Variants in HOXD13 observed in about 807,000 individuals in gnomAD.
HOXD13 encodes the protein homeobox protein Hox-D13.
A neutral mutation model predicts 27.3 loss-of-function variants in HOXD13; 16 were observed. The ratio of observed to expected loss-of-function variants is 0.59; its 90% CI spans 0.40 to 0.89. The LOEUF is 0.89. HOXD13 is among the 40% of genes least tolerant of loss of function. HOXD13 has a pLI of 0.00. For synonymous variants in HOXD13, 241 were observed against 219.0 expected (o/e 1.10, Z -0.89); for missense variants, 481 against 482.6 (o/e 1.00, Z 0.03).
At position 176,094,836 on chromosome 2, in the gene HOXD13, G is replaced by T; in HGVS notation, c.*106G>T. 2.0e-6 allele frequency: 2 copies of T among 1,007,748 alleles called. No individual in the cohort carries two copies. The highest frequency in any genetic ancestry group is 2.7e-5 in the South Asian group (2 of 73,238). 62.4% of individuals were successfully genotyped at this position (1,007,748 alleles called of 1,614,324 possible). On this transcript the variant is annotated 3_prime_UTR_variant, in exon 2 of 2. Transcript: ENST00000392539. ...TTAATTCCCCCCACCCCCTGCCAAT[G>T]GTGGCAAATTTTGTGAATTGTTTTT...
At chr2:176,088,401 T>G (rs981433129), upstream of HOXD13, among the ~76,000 whole-genome samples, 5 of 152,202 alleles carry the variant, frequency 3.3e-5, no homozygotes, top group African/African-American at 1.2e-4. Flanking sequence ...ACTTTCTTCC[T>G]GGGCTCGGTC....
chr2:176,093,070 G>GGCA lies in HOXD13; in HGVS notation c.183_185dup (p.Ala71dup). The GGCA allele has an allele frequency of 7.3e-7, 1 of 1,371,472 alleles. No individual in the cohort carries two copies. Among genetic ancestry groups the GGCA allele is most frequent in the Non-Finnish European group, 9.4e-7 (1 of 1,068,726 alleles). The allele number at this position is 1,371,472 out of a possible 1,614,324, so 85.0% of individuals were successfully genotyped here. A position where few individuals can be genotyped will look rare whatever the true frequency, so the allele number is the denominator to read the frequency against. On this transcript the variant is annotated inframe_insertion, in exon 1 of 2. Transcript: ENST00000392539. ...CGCATTCGGGGCGGGCGGCGGCGGC[G>GGCA]GCAGCGGCGGCTGCGGCGGCGGCGG...
At chr2:176,089,447 GA>G (rs1689290519), upstream of HOXD13, among the ~76,000 whole-genome samples, 1 of 152,194 alleles carries the variant, frequency 6.6e-6, no homozygotes, top group Admixed American at 6.5e-5. Context: ...TGGCCATCAA[GA>G]CAAGTGCTTT....
At chr2:176,092,051 A>G (rs1486885901), upstream of HOXD13, among the ~76,000 whole-genome samples, 1 of 152,108 alleles carries the variant, frequency 6.6e-6, no homozygotes, top group East Asian at 1.9e-4. Context: ...CCTGTCTTTC[A>G]TCTGTTTAAG....
upstream of HOXD13, among the ~76,000 whole-genome samples, chr2:176,092,294 C>T (rs1189484124): frequency 1.3e-5 from 2 of 152,260 alleles, no homozygotes; most frequent in Non-Finnish European, 2.9e-5. Flanking sequence ...TTCTGATCAT[C>T]TCTGTCCTTC....
rs2105379174 is a variant in HOXD13 at position 176,093,547 on chromosome 2, G to A, written c.657G>A (p.Arg219=). The A allele has an allele frequency of 1.9e-6, 3 of 1,613,866 alleles. No individual in the cohort carries two copies. Among genetic ancestry groups the A allele is most frequent in the Non-Finnish European group, 2.5e-6 (3 of 1,179,920 alleles). ...CCACTTTCGGCTCCGGGGAGCCTCG[G>A]CACGAGGCCTACATCTCCATGGAGG... ...MVSTFGSGEP[R]HEAYISMEGY... The change falls in exon 1 of 2, where the codon CGG becomes CGA. Residue 219 remains arginine (R), a synonymous_variant. Transcript: ENST00000392539.
upstream of HOXD13, among the ~76,000 whole-genome samples, chr2:176,090,143 G>C (rs1689297883): frequency 6.6e-6 from 1 of 152,244 alleles, no homozygotes; most frequent in South Asian, 2.1e-4. Flanking sequence ...AATTTGTCCA[G>C]AGGTGCTGGG....
Position 176,093,767 on chromosome 2 carries a change from A to T in HOXD13, c.781+96A>T, listed in dbSNP as rs922870543. The T allele has an allele frequency of 7.4e-6, 6 of 810,346 alleles. No homozygotes were observed. The African/African-American group carries it at 1.0e-4, about 14-fold the overall frequency. 50.2% of individuals were successfully genotyped at this position (810,346 alleles called of 1,614,324 possible). A position where few individuals can be genotyped will look rare whatever the true frequency, so the allele number is the denominator to read the frequency against. On this transcript the variant is annotated intron_variant, in intron 1 of 1. Coordinates refer to ENST00000392539, the MANE Select transcript of HOXD13 (RefSeq NM_000523.4). The stretch of plus-strand genomic sequence containing the variant: ...GTATGCGCCCCTACTTGGGAGTGGG[A>T]GTTGTGCCTGTGCTCCACACGTGAC...
chr2:176,091,112 A>G (rs1055922425), upstream of HOXD13, among the ~76,000 whole-genome samples: 2 of 152,026 alleles, frequency 1.3e-5, no homozygotes, highest in African/African-American at 4.8e-5. Context: ...TGAGCCTTTT[A>G]TGGTTACTGC....
At chr2:176,088,328 C>T (rs1016356869), upstream of HOXD13, among the ~76,000 whole-genome samples, 2 of 152,240 alleles carry the variant, frequency 1.3e-5, no homozygotes, top group African/African-American at 4.8e-5. Context: ...GTCTTTCCTC[C>T]TCCCACTCCC....
At chr2:176,088,921 G>A (rs553562514), upstream of HOXD13, among the ~76,000 whole-genome samples, 33 of 152,310 alleles carry the variant, frequency 2.2e-4, no homozygotes, top group African/African-American at 7.7e-4. Context: ...TCAAAGGAAA[G>A]AATCCTCACT....
chr2:176,091,834 C>T (rs1470073732), upstream of HOXD13, among the ~76,000 whole-genome samples: 2 of 151,986 alleles, frequency 1.3e-5, no homozygotes, highest in African/African-American at 2.4e-5. Context: ...TGGAGAGACA[C>T]AGAAGTTTCA....
chr2:176,095,011 TA>T lies in HOXD13; in HGVS notation c.*284del. The T allele has an allele frequency of 2.3e-6, 1 of 431,312 alleles. No homozygotes were observed. Among genetic ancestry groups the T allele is most frequent in the South Asian group, 2.8e-5 (1 of 36,044 alleles). The allele number at this position is 431,312 out of a possible 1,614,324, so 26.7% of individuals were successfully genotyped here. On this transcript the variant is annotated 3_prime_UTR_variant, in exon 2 of 2. Transcript: ENST00000392539. Reference sequence around the variant, plus strand: ...TTTTGTTTCTCCCTCCAGGCCAGTATAAAGGGACTTGAAGTATTTTTTAATA... The same window carrying T: ...TTTTGTTTCTCCCTCCAGGCCAGTATAAGGGACTTGAAGTATTTTTTAATA...
At position 176,094,700 on chromosome 2, in the gene HOXD13, T is replaced by C; in HGVS notation, c.1002T>C (p.Ile334=). The C allele has an allele frequency of 6.2e-7, 1 of 1,614,070 alleles. No homozygotes were observed. Among genetic ancestry groups the C allele is most frequent in the Non-Finnish European group, 8.5e-7 (1 of 1,179,964 alleles). ...ACCGAAGAGTGAAGGACAAGAAAATTGTCTCCAAGCTCAAAGATACTGTCT... is the reference window on the plus strand; with the variant it reads ...ACCGAAGAGTGAAGGACAAGAAAATCGTCTCCAAGCTCAAAGATACTGTCT... ...FQNRRVKDKK[I]VSKLKDTVS The change falls in exon 2 of 2, where the codon ATT becomes ATC. Residue 334 remains isoleucine, a synonymous_variant. Coordinates refer to ENST00000392539, the MANE Select transcript of HOXD13 (RefSeq NM_000523.4).
rs1284683098 is a variant in HOXD13 at position 176,093,070 on chromosome 2, G to A, written c.180G>A (p.Ala60=). The change falls in exon 1 of 2, where the codon GCG becomes GCA. Residue 60 remains alanine, a synonymous_variant. Transcript: ENST00000392539. Reference sequence around the variant, plus strand: ...CGCATTCGGGGCGGGCGGCGGCGGCGGCAGCGGCGGCTGCGGCGGCGGCGG... The same window carrying A: ...CGCATTCGGGGCGGGCGGCGGCGGCAGCAGCGGCGGCTGCGGCGGCGGCGG... ...AGTHSGRAAA[A]AAAAAAAAAA... 3 of 1,371,470 alleles carry A rather than the reference G, an allele frequency of 2.2e-6. No homozygotes were observed. The highest frequency in any genetic ancestry group is 2.8e-6 in the Non-Finnish European group (3 of 1,068,724). 85.0% of individuals were successfully genotyped at this position (1,371,470 alleles called of 1,614,324 possible). A position where few individuals can be genotyped will look rare whatever the true frequency, so the allele number is the denominator to read the frequency against.
upstream of HOXD13, among the ~76,000 whole-genome samples, chr2:176,089,199 T>TTTG (rs147415184): frequency 0.012 from 1,721 of 148,460 alleles, 23 homozygotes; most frequent in African/African-American, 0.036. Flanking sequence ...ATAGGTTTGG[T>TTTG]TTGTTGTTGT....
At position 176,095,866 on chromosome 2, in the gene HOXD13, G is replaced by A. The variant is rs1236875761; in HGVS notation, c.*1136G>A. 4.9e-6 allele frequency: 1 copy of A among 204,026 alleles called. No individual in the cohort carries two copies. Among genetic ancestry groups the A allele is most frequent in the Non-Finnish European group, 1.0e-5 (1 of 99,734 alleles). 12.6% of individuals were successfully genotyped at this position (204,026 alleles called of 1,614,324 possible). ...CAATGTCTGTGAGCTGGGATACATGGGCAGTGCTTCAGACATTTAAAAATC... is the reference window on the plus strand; with the variant it reads ...CAATGTCTGTGAGCTGGGATACATGAGCAGTGCTTCAGACATTTAAAAATC... On this transcript the variant is annotated 3_prime_UTR_variant, in exon 2 of 2. Coordinates refer to ENST00000392539, the MANE Select transcript of HOXD13 (RefSeq NM_000523.4).
chr2:176,090,478 T>C (rs779522912), upstream of HOXD13, among the ~76,000 whole-genome samples: 7 of 152,378 alleles, frequency 4.6e-5, no homozygotes, highest in South Asian at 6.2e-4. Flanking sequence ...CCAGAAGTGA[T>C]GGGCTGCTTG....
At position 176,093,232 on chromosome 2, in the gene HOXD13, G is replaced by T. The variant is rs1689354380; in HGVS notation, c.342G>T (p.Ala114=). The T allele has an allele frequency of 1.9e-6, 3 of 1,609,672 alleles. No individual in the cohort carries two copies. The highest frequency in any genetic ancestry group is 1.3e-5 in the African/African-American group (1 of 75,038). Residue 114 remains alanine (A), a synonymous_variant, in exon 1 of 2, where the codon GCG becomes GCT. Transcript: ENST00000392539. ...AGTGCCCAGCACCCACGCCTGCAGC[G>T]GCCGCTGCAGCGCCCCCGAGCGCTC... is the stretch of plus-strand genomic sequence containing the variant. ...AKECPAPTPA[A]AAAAPPSAPA...
Sources: gnomAD v4.1 joint callset for allele counts (sites outside exome capture counted in the v4.1 genomes callset) on GRCh38, gnomAD v4.1.1 for gene constraint, MANE v1.5 for transcripts, NCBI Gene and HGNC (gene_info 2026-07-23, HGNC 2026-07-21) for gene names.